The following IGFBP4 variants were observed in gnomAD, a reference collection of about 807,000 sequenced individuals.
The protein encoded by IGFBP4 is insulin like growth factor binding protein 4, also known as insulin-like growth factor-binding protein 4.
IGFBP4 carries 9 observed loss-of-function variants against 25.8 expected under a neutral mutation model. The ratio of observed to expected loss-of-function variants is 0.35; its 90% CI spans 0.21 to 0.61. IGFBP4 has a LOEUF of 0.61. IGFBP4 is among the 20% of genes least tolerant of loss of function. The pLI is 0.77. For missense variants in IGFBP4, 315 were observed against 365.3 expected, an observed-to-expected ratio of 0.86 and a Z score of 1.12; for synonymous variants, 153 against 153.9, an observed-to-expected ratio of 0.99 and a Z score of 0.05.
chr17:40,453,210 A>C lies in IGFBP4; in HGVS notation c.507+68A>C. 3.4e-6 allele frequency: 4 copies of C among 1,184,962 alleles called. No homozygotes were observed. The South Asian group carries it at 7.5e-5, about 22-fold the overall frequency. The allele number at this position is 1,184,962 out of a possible 1,614,324, so 73.4% of individuals were successfully genotyped here. A position where few individuals can be genotyped will look rare whatever the true frequency, so the allele number is the denominator to read the frequency against. On this transcript the variant is annotated intron_variant, in intron 2 of 3. Coordinates refer to ENST00000269593, the MANE Select transcript of IGFBP4 (RefSeq NM_001552.3). This position sits in a 1 kb window ranked among gnomAD's most constrained non-coding sequence, Gnocchi z 4.0. ...CACACACACATGCCCCCTGCCCCCC[A>C]CATGCACGCACCCACACACACCATC...
At chr17:40,454,514 A>C (rs2035704112) in intron 3 of IGFBP4, among the ~76,000 whole-genome samples, 1 of 152,216 alleles carries the variant, frequency 6.6e-6, no homozygotes, top group Non-Finnish European at 1.5e-5. Context: ...GAGGAAACTC[A>C]GCCTACCCCT....
intron 1 of IGFBP4, among the ~76,000 whole-genome samples, chr17:40,446,297 C>T (rs1218056797): frequency 7.2e-5 from 9 of 124,590 alleles, no homozygotes; most frequent in African/African-American, 2.9e-4. Context: ...CCAGCCTGGG[C>T]GACTCTATTT....
intron 1 of IGFBP4, among the ~76,000 whole-genome samples, chr17:40,445,349 C>T (rs979857231): frequency 6.6e-6 from 1 of 152,202 alleles, no homozygotes; most frequent in Non-Finnish European, 1.5e-5. Context: ...CCATCTCCGA[C>T]CCTGTTTTGC....
chr17:40,453,191 C>CACACAT lies in IGFBP4; in HGVS notation c.507+52_507+53insCATACA, dbSNP rs1319390472. 3 of 1,380,572 alleles carry CACACAT rather than the reference C, an allele frequency of 2.2e-6. No individual in the cohort carries two copies. Among genetic ancestry groups the CACACAT allele is most frequent in the Non-Finnish European group, 2.9e-6 (3 of 1,036,830 alleles). 85.5% of individuals were successfully genotyped at this position (1,380,572 alleles called of 1,614,324 possible). On this transcript the variant is annotated intron_variant, in intron 2 of 3. Transcript: ENST00000269593. The surrounding 1 kb of genome is among the most constrained non-coding windows in gnomAD (Gnocchi z 4.0). Reference sequence around the variant, plus strand: ...GTGCATGTGCATAGACACACACACACACATGCCCCCTGCCCCCCACATGCA... The same window carrying CACACAT: ...GTGCATGTGCATAGACACACACACACACACATACATGCCCCCTGCCCCCCACATGCA...
rs774454700 is a variant in IGFBP4 at position 40,453,001 on chromosome 17, C to T, written c.366C>T (p.Asp122=). Residue 122 remains aspartate (D), a synonymous_variant, in exon 2 of 4, where the codon GAC becomes GAT. Coordinates refer to ENST00000269593, the MANE Select transcript of IGFBP4 (RefSeq NM_001552.3). The surrounding 1 kb of genome is among the most constrained non-coding windows in gnomAD (Gnocchi z 4.0). ...SLQPSDKDEG[D]HPNNSFSPCS... ...TGAATACAGACAAGGACGAGGGTGA[C>T]CACCCCAACAACAGCTTCAGCCCCT... 222 of 1,556,426 alleles carry T rather than the reference C, an allele frequency of 1.4e-4. 1 individual carries two copies. The highest frequency in any genetic ancestry group is 5.5e-5 in the African/African-American group (4 of 72,500).
chr17:40,448,804 C>T (rs555853693), intron 1 of IGFBP4, among the ~76,000 whole-genome samples: 7 of 152,302 alleles, frequency 4.6e-5, no homozygotes, highest in East Asian at 3.9e-4. Flanking sequence ...CAACAAACCA[C>T]GGTGCAGAGA....
chr17:40,448,459 C>T (rs2035663631), intron 1 of IGFBP4, among the ~76,000 whole-genome samples: 1 of 152,222 alleles, frequency 6.6e-6, no homozygotes, highest in Non-Finnish European at 1.5e-5. Context: ...ACTTGGAAGT[C>T]CCATCTCCCA....
In IGFBP4 at chr17:40,444,147, C is replaced by G. The variant is rs543339037; in HGVS notation, c.349+63C>G. ...CGCTCCCTTCCCAGCGGCTTCTTCCCCATTCCAGCCGCCCTGGAAGGCCCT... is the reference window on the plus strand; with the variant it reads ...CGCTCCCTTCCCAGCGGCTTCTTCCGCATTCCAGCCGCCCTGGAAGGCCCT... On this transcript the variant is annotated intron_variant, in intron 1 of 3. Transcript: ENST00000269593. The G allele has an allele frequency of 4.8e-4, 619 of 1,283,064 alleles. 7 individuals carry two copies. In the Admixed American group the frequency reaches 0.012, roughly 24 times the overall value. 79.5% of individuals were successfully genotyped at this position (1,283,064 alleles called of 1,614,324 possible). A position where few individuals can be genotyped will look rare whatever the true frequency, so the allele number is the denominator to read the frequency against.
At chr17:40,445,790 G>A (rs577034087) in intron 1 of IGFBP4, among the ~76,000 whole-genome samples, 5 of 152,228 alleles carry the variant, frequency 3.3e-5, no homozygotes, top group Admixed American at 3.3e-4. Context: ...ACAGAGTCAC[G>A]TTCCCTTTGA....
At chr17:40,444,415 G>A (rs1377287093) in intron 1 of IGFBP4, among the ~76,000 whole-genome samples, 1 of 151,406 alleles carries the variant, frequency 6.6e-6, no homozygotes, top group Non-Finnish European at 1.5e-5. Flanking sequence ...CAGCTGTCTA[G>A]GGCCAGAGAA....
In IGFBP4 at chr17:40,452,996, G is replaced by A. The variant is rs768674533; in HGVS notation, c.361G>A (p.Gly121Ser). The A allele has an allele frequency of 6.4e-7, 1 of 1,553,518 alleles. No individual in the cohort carries two copies. ...CTACCTGAATACAGACAAGGACGAG[G>A]GTGACCACCCCAACAACAGCTTCAG... ...ESLQPSDKDEGDHPNNSFSPC... is the reference protein window; with the variant it reads ...ESLQPSDKDESDHPNNSFSPC... The change falls in exon 2 of 4, where the codon GGT becomes AGT. Residue 121 changes from glycine (G) to serine (S), a missense_variant. Gly to Ser is a moderately conservative substitution (Grantham distance 56). Coordinates refer to ENST00000269593, the MANE Select transcript of IGFBP4 (RefSeq NM_001552.3).
rs1410791984 is a variant in IGFBP4 at position 40,443,617 on chromosome 17, G to T, written c.-119G>T. The T allele has an allele frequency of 1.6e-5, 5 of 320,670 alleles. No individual in the cohort carries two copies. Among genetic ancestry groups the T allele is most frequent in the Non-Finnish European group, 2.3e-5 (5 of 215,538 alleles). The allele number at this position is 320,670 out of a possible 1,614,324, so 19.9% of individuals were successfully genotyped here. A position where few individuals can be genotyped will look rare whatever the true frequency, so the allele number is the denominator to read the frequency against. ...CCGCCCCGTCTCCCCGCGCCCTCCG[G>T]GTCGGGTCCTCCAGGAGCGCCAGGC... On this transcript the variant is annotated 5_prime_UTR_variant, in exon 1 of 4. Transcript: ENST00000269593.
In IGFBP4 at chr17:40,456,761, A is replaced by C; in HGVS notation, c.*178A>C. ...CGTGCGTGTGTGTGTGTTTGTGAGC[A>C]TGGGTGTGCCCTTGGGGTAAGCCAG... On this transcript the variant is annotated 3_prime_UTR_variant, in exon 4 of 4. Coordinates refer to ENST00000269593, the MANE Select transcript of IGFBP4 (RefSeq NM_001552.3). The C allele has an allele frequency of 1.6e-6, 1 of 622,252 alleles. No individual in the cohort carries two copies. Among genetic ancestry groups the C allele is most frequent in the Non-Finnish European group, 2.7e-6 (1 of 365,624 alleles). The allele number at this position is 622,252 out of a possible 1,614,324, so 38.5% of individuals were successfully genotyped here. A position where few individuals can be genotyped will look rare whatever the true frequency, so the allele number is the denominator to read the frequency against.
chr17:40,443,948 C>T lies in IGFBP4; in HGVS notation c.213C>T (p.Thr71=), dbSNP rs2035625479. The change falls in exon 1 of 4, where the codon ACC becomes ACT. Residue 71 remains threonine, a synonymous_variant. Transcript: ENST00000269593. The stretch of plus-strand genomic sequence containing the variant: ...TGGGGATGCCCTGCGGGGTGTACAC[C>T]CCCCGTTGCGGCTCGGGCCTGCGCT... The part of the protein sequence containing the change: ...LGLGMPCGVY[T]PRCGSGLRCY... 2 of 1,531,998 alleles carry T rather than the reference C, an allele frequency of 1.3e-6. No individual in the cohort carries two copies. The highest frequency in any genetic ancestry group is 2.4e-5 in the South Asian group (2 of 83,680). 94.9% of individuals were successfully genotyped at this position (1,531,998 alleles called of 1,614,324 possible). A position where few individuals can be genotyped will look rare whatever the true frequency, so the allele number is the denominator to read the frequency against.
chr17:40,449,166 A>T (rs2035667624), intron 1 of IGFBP4, among the ~76,000 whole-genome samples: 2 of 152,160 alleles, frequency 1.3e-5, no homozygotes, highest in Non-Finnish European at 2.9e-5. Flanking sequence ...CTGATGTGAC[A>T]TGGGGCCATA....
intron 3 of IGFBP4, among the ~76,000 whole-genome samples, chr17:40,455,524 C>T (rs569800924): frequency 3.3e-5 from 5 of 151,888 alleles, no homozygotes; most frequent in South Asian, 2.1e-4. Flanking sequence ...CTCTTGTTGC[C>T]GAGGCTGGAG....
chr17:40,452,376 C>T (rs765418125), intron 1 of IGFBP4, among the ~76,000 whole-genome samples: 13 of 152,060 alleles, frequency 8.5e-5, no homozygotes, highest in Non-Finnish European at 1.2e-4. Flanking sequence ...CACACACACT[C>T]ACACACACAC....
intron 1 of IGFBP4, among the ~76,000 whole-genome samples, chr17:40,444,918 CACACACACAGAGACAGAGAG>C (rs1567799548): frequency 2.6e-4 from 22 of 84,232 alleles, no homozygotes; most frequent in African/African-American, 9.1e-4. Context: ...CACACACACA[CACACACACAGAGACAGAGAG>C]AGAGAGAGAG....
chr17:40,444,856 AACAG>A (rs1418960877), intron 1 of IGFBP4, among the ~76,000 whole-genome samples: 1 of 134,222 alleles, frequency 7.5e-6, no homozygotes, highest in Non-Finnish European at 1.6e-5. Flanking sequence ...AGGGGAGAGA[AACAG>A]AGAGAGAGAG....
Sources: allele counts gnomAD v4.1 joint callset (sites outside exome capture counted in the v4.1 genomes callset), GRCh38; gene constraint gnomAD v4.1.1; non-coding constraint Gnocchi (gnomAD v3.1); transcripts MANE v1.5; gene names NCBI Gene and HGNC (gene_info 2026-07-23, HGNC 2026-07-21).